ATAD3B: variants seen among roughly 807,000 people sequenced by gnomAD.
ATAD3B encodes ATPase family AAA domain-containing protein 3B.
ATAD3B carries 59 observed loss-of-function variants against 70.2 expected under a neutral mutation model. The ratio of observed to expected loss-of-function variants is 0.84; its 90% CI spans 0.68 to 1.04. The LOEUF is 1.04. Among genes scored for constraint, ATAD3B ranks in the 50% least tolerant of loss-of-function variants. The pLI is 0.00. For missense variants in ATAD3B, 961 were observed against 913.4 expected, an observed-to-expected ratio of 1.05 and a Z score of -0.67; for synonymous variants, 423 against 388.6, an observed-to-expected ratio of 1.09 and a Z score of -1.04.
intron 13 of ATAD3B, chr1:1,489,812 G>A: frequency 7.9e-7 from 1 of 1,266,800 alleles, no homozygotes; most frequent in Non-Finnish European, 1.0e-6. Context: ...CCTGACTCAG[G>A]TCCTTCCCAG....
the ATAD3B span, among the ~76,000 whole-genome samples, chr1:1,507,660 G>A: frequency 2.0e-5 from 3 of 152,156 alleles, no homozygotes; most frequent in Non-Finnish European, 4.4e-5. Flanking sequence ...TTTTCTTGTG[G>A]CATCTTCATC....
chr1:1,491,606 C>A (rs1469141398), intron 15 of ATAD3B, among the ~76,000 whole-genome samples: 6 of 151,962 alleles, frequency 3.9e-5, no homozygotes, highest in Admixed American at 2.6e-4. Flanking sequence ...GGCGCCCTGG[C>A]CACACACAGG....
intron 1 of ATAD3B, among the ~76,000 whole-genome samples, chr1:1,473,784 G>A (rs565651102): frequency 3.9e-5 from 6 of 152,162 alleles, no homozygotes; most frequent in South Asian, 4.2e-4. Context: ...CTGAGCCACC[G>A]CACCCTGCCA....
intron 13 of ATAD3B, chr1:1,489,615 C>A (rs1426394039): frequency 1.6e-6 from 2 of 1,289,890 alleles, no homozygotes; most frequent in South Asian, 1.3e-5. Context: ...GTAGGGTGAC[C>A]GGCCCTATGT....
intron 7 of ATAD3B, 176 bp downstream of exon 7, chr1:1,482,790 G>A: frequency 2.9e-6 from 3 of 1,049,188 alleles, no homozygotes; most frequent in South Asian, 1.6e-5. Flanking sequence ...TGAGCTGGGA[G>A]AAAAAAATGC....
In ATAD3B at chr1:1,489,555, C is replaced by T. The variant is rs981955019; in HGVS notation, c.1337+281C>T. 6.0e-5 allele frequency: 61 copies of T among 1,023,760 alleles called. No homozygotes were observed. The African/African-American group carries it at 6.9e-4, about 12-fold the overall frequency. The allele number at this position is 1,023,760 out of a possible 1,614,324, so 63.4% of individuals were successfully genotyped here. On this transcript the variant is annotated intron_variant, in intron 13 of 15. Transcript: ENST00000673477. ...CCCTCTGCCCCTAGATTTCTGCGGT[C>T]CTGTGCCTGCAAGGGAGGTGGTCTG...
Position 1,485,770 on chromosome 1 carries a change from C to T in ATAD3B, c.907-12C>T, listed in dbSNP as rs764185095. 22 of 1,612,712 alleles carry T rather than the reference C, an allele frequency of 1.4e-5. No individual in the cohort carries two copies. The highest frequency in any genetic ancestry group is 3.4e-4 in the Middle Eastern group (2 of 5,946). On this transcript the variant is annotated splice_polypyrimidine_tract_variant and intron_variant, in intron 8 of 15. Coordinates refer to ENST00000673477, the MANE Select transcript of ATAD3B (RefSeq NM_031921.6). ...AGGTGACCCAATGGTGCTTCCCCTTCCCCTCCGGCAGGTCAGCCGGCGGCT... is the reference window on the plus strand; with the variant it reads ...AGGTGACCCAATGGTGCTTCCCCTTTCCCTCCGGCAGGTCAGCCGGCGGCT...
chr1:1,487,051 G>A (rs1267870242), intron 11 of ATAD3B, among the ~76,000 whole-genome samples: 1 of 151,932 alleles, frequency 6.6e-6, no homozygotes, highest in Non-Finnish European at 1.5e-5. Context: ...GCTGAAGACA[G>A]CATGGCACAC....
intron 7 of ATAD3B, chr1:1,483,644 G>C (rs1340731240): frequency 1.3e-5 from 2 of 158,580 alleles, no homozygotes; most frequent in African/African-American, 4.8e-5. Flanking sequence ...TCGTGGCACA[G>C]GTCTGTATTA....
chr1:1,471,798 C>A lies in ATAD3B; in HGVS notation c.-87C>A. On this transcript the variant is annotated 5_prime_UTR_variant, in exon 1 of 16. Transcript: ENST00000673477. ...TGCGCAGTGGTCCTGGCCACCGGCT[C>A]GCGGCGCGTGGAGGCTGCTCCCAGC... 8.2e-7 allele frequency: 1 copy of A among 1,222,180 alleles called. No homozygotes were observed. 75.7% of individuals were successfully genotyped at this position (1,222,180 alleles called of 1,614,324 possible).
Position 1,495,618 on chromosome 1 carries a change from A to G in ATAD3B, c.1748A>G (p.His583Arg), listed in dbSNP as rs776157357. The G allele has an allele frequency of 1.2e-6, 2 of 1,612,724 alleles. No individual in the cohort carries two copies. Among genetic ancestry groups the G allele is most frequent in the South Asian group, 1.1e-5 (1 of 90,994 alleles). ...KAEGPGRGVE[H>R]PLSGVQGETL... ...GAGGGGCCTGGGCGCGGGGTCGAGC[A>G]CCCCCTATCCGGAGTCCAAGGCGAG... Residue 583 changes from histidine (H) to arginine (R), a missense_variant, in exon 16 of 16, where the codon CAC (histidine) becomes CGC (arginine). This residue lies in a region of ATAD3B where 417 missense variants were observed against 335.0 expected (regional missense o/e 1.24). Transcript: ENST00000673477.
Position 1,490,748 on chromosome 1 carries a change from C to T in ATAD3B, c.1614+77C>T, listed in dbSNP as rs1640502314. On this transcript the variant is annotated intron_variant, in intron 15 of 15. Transcript: ENST00000673477. The stretch of plus-strand genomic sequence containing the variant: ...GATGCTCAGTTGCGCCAGGCCTGTC[C>T]CAGCACCGGTGTCATGTGGGAGCTT... The T allele has an allele frequency of 2.0e-6, 3 of 1,525,666 alleles. No individual in the cohort carries two copies. In the African/African-American group the frequency reaches 4.1e-5, roughly 21 times the overall value. 94.5% of individuals were successfully genotyped at this position (1,525,666 alleles called of 1,614,324 possible).
chr1:1,478,278 A>T, intron 2 of ATAD3B: 1 of 807,330 alleles, frequency 1.2e-6, no homozygotes, highest in Non-Finnish European at 1.9e-6. Context: ...ATTATAGGCA[A>T]GAGCGATGGC....
chr1:1,485,178 G>T lies in ATAD3B; in HGVS notation c.906+7G>T. 6.2e-7 allele frequency: 1 copy of T among 1,609,770 alleles called. No homozygotes were observed. The highest frequency in any genetic ancestry group is 8.5e-7 in the Non-Finnish European group (1 of 1,179,282). ...GCTGCGGCACCCCATCCAGGTAGCG[G>T]CGCAGGCCTGGCCCTCCCTGAGTGC... On this transcript the variant is annotated splice_region_variant and intron_variant, in intron 8 of 15. Coordinates refer to ENST00000673477, the MANE Select transcript of ATAD3B (RefSeq NM_031921.6).
At chr1:1,509,402 C>A in the ATAD3B span, 12 of 1,600,014 alleles carry the variant, frequency 7.5e-6, no homozygotes, top group Non-Finnish European at 9.4e-6. Context: ...CCCCTCCCAC[C>A]CCTGCCTTTG....
chr1:1,477,451 C>T, intron 2 of ATAD3B, 101 bp downstream of exon 2: 3 of 1,566,208 alleles, frequency 1.9e-6, no homozygotes, highest in Non-Finnish European at 1.7e-6. Flanking sequence ...GGGGCGTGTA[C>T]ATGGGCAGCA....
chr1:1,493,317 C>G (rs1287698884), intron 15 of ATAD3B, among the ~76,000 whole-genome samples: 2 of 151,966 alleles, frequency 1.3e-5, no homozygotes, highest in South Asian at 4.2e-4. Context: ...TTGCTTGGTT[C>G]TTTCTCAGAG....
chr1:1,482,186 G>C lies in ATAD3B; in HGVS notation c.563G>C (p.Arg188Pro), dbSNP rs773460000. 1.2e-6 allele frequency: 2 copies of C among 1,610,958 alleles called. No homozygotes were observed. The highest frequency in any genetic ancestry group is 8.5e-7 in the Non-Finnish European group (1 of 1,179,216). Residue 188 changes from arginine to proline, a missense_variant, in exon 6 of 16, where the codon CGA becomes CCA. By Grantham distance (103) the Arg-to-Pro change is moderately radical. This residue lies in a region of ATAD3B where 349 missense variants were observed against 307.5 expected (regional missense o/e 1.14). Coordinates refer to ENST00000673477, the MANE Select transcript of ATAD3B (RefSeq NM_031921.6). ...MELRHKNEML[R>P]VETEARARAK... is the part of the protein sequence containing the mutation. The stretch of plus-strand genomic sequence containing the variant: ...CTGCGGCACAAGAATGAGATGCTGC[G>C]AGTGGAGACCGAGGCCCGGGCGCGC...
At chr1:1,501,509 C>A (rs531590293), downstream of ATAD3B, among the ~76,000 whole-genome samples, 1 of 152,136 alleles carries the variant, frequency 6.6e-6, no homozygotes, top group Non-Finnish European at 1.5e-5. Context: ...CCCGCCTCGG[C>A]CTCCCAAAGT....
Sources: allele counts gnomAD v4.1 joint callset (sites outside exome capture counted in the v4.1 genomes callset), GRCh38; gene constraint gnomAD v4.1.1; regional missense constraint gnomAD v4.1.1; transcripts MANE v1.5; gene names NCBI Gene and HGNC (gene_info 2026-07-23, HGNC 2026-07-21).